UBAP2L: variants seen among roughly 807,000 people sequenced by gnomAD.
UBAP2L encodes the protein ubiquitin-associated protein 2-like.
UBAP2L carries 12 observed loss-of-function variants against 130.6 expected under a neutral mutation model. The observed-to-expected ratio is 0.09, with a 90% CI of 0.06 to 0.15. UBAP2L has a LOEUF of 0.15. Among genes scored for constraint, UBAP2L ranks in the 10% least tolerant of loss-of-function variants. The pLI, the probability that UBAP2L is intolerant of heterozygous loss-of-function variation, is 1.00. For missense variants in UBAP2L, 965 were observed against 1,332.5 expected (o/e 0.72, Z 4.29); for synonymous variants, 503 against 524.7 (o/e 0.96, Z 0.57).
At position 154,259,867 on chromosome 1, in the gene UBAP2L, G is replaced by GT. The variant is rs1571930003; in HGVS notation, c.2497-75dup. On this transcript the variant is annotated intron_variant, in intron 21 of 26. Transcript: ENST00000428931. ...AATTGCACAACTCTCACATTCTTCT[G>GT]TTTTTTCCTCCGTGGAAATAGTACT... is the stretch of plus-strand genomic sequence containing the variant. The GT allele has an allele frequency of 1.5e-5, 22 of 1,441,206 alleles. No homozygotes were observed. The East Asian group carries it at 2.5e-4, about 16-fold the overall frequency. 89.3% of individuals were successfully genotyped at this position (1,441,206 alleles called of 1,614,324 possible).
In UBAP2L at chr1:154,236,626, T is replaced by A; in HGVS notation, c.590+15T>A. 6.2e-7 allele frequency: 1 copy of A among 1,613,840 alleles called. No individual in the cohort carries two copies. Reference sequence around the variant, plus strand: ...CAAGGAATGGGGTAAGTTTCATTGATCTAGTGTCTTAATTTTTTTTCCCTT... The same window carrying A: ...CAAGGAATGGGGTAAGTTTCATTGAACTAGTGTCTTAATTTTTTTTCCCTT... On this transcript the variant is annotated intron_variant, in intron 7 of 26. Transcript: ENST00000428931.
intron 12 of UBAP2L, among the ~76,000 whole-genome samples, chr1:154,249,763 T>A (rs1571839787): frequency 2.0e-5 from 3 of 151,274 alleles, no homozygotes; most frequent in South Asian, 4.2e-4. Flanking sequence ...ATATCAAGAC[T>A]CCATTTCTAA....
At chr1:154,222,852 A>G (rs1666722964) in intron 1 of UBAP2L, among the ~76,000 whole-genome samples, 1 of 152,146 alleles carries the variant, frequency 6.6e-6, no homozygotes, top group Admixed American at 6.5e-5. Flanking sequence ...CTATTTTTTT[A>G]AGTAGCTAGT....
intron 10 of UBAP2L, 148 bp from the exon 11 acceptor site, chr1:154,246,056 C>A (rs2148812310): frequency 1.5e-6 from 1 of 688,052 alleles, no homozygotes; most frequent in East Asian, 2.9e-5. Flanking sequence ...TATTTTGGGA[C>A]ATTTAAGCAT....
chr1:154,270,020 C>T (rs1176620751), intron 26 of UBAP2L, among the ~76,000 whole-genome samples, 180 bp from the exon 27 acceptor site: 1 of 152,066 alleles, frequency 6.6e-6, no homozygotes, highest in Non-Finnish European at 1.5e-5. Flanking sequence ...TCAAAAATGC[C>T]TTCCTGCTTG....
At chr1:154,249,671 T>TA (rs1676826002) in intron 12 of UBAP2L, among the ~76,000 whole-genome samples, 1 of 152,064 alleles carries the variant, frequency 6.6e-6, no homozygotes, top group Non-Finnish European at 1.5e-5. Context: ...CATGGTAGCT[T>TA]ACACCTGTAA....
chr1:154,258,074 T>C (rs940564907), intron 20 of UBAP2L, among the ~76,000 whole-genome samples: 2 of 152,138 alleles, frequency 1.3e-5, no homozygotes, highest in African/African-American at 4.8e-5. Flanking sequence ...GCTCAAGCAA[T>C]CCTCTCACCT....
intron 3 of UBAP2L, among the ~76,000 whole-genome samples, chr1:154,227,634 C>T (rs1378546564): frequency 6.6e-6 from 1 of 151,566 alleles, no homozygotes; most frequent in Non-Finnish European, 1.5e-5. Context: ...GCAGCTTCTG[C>T]CTCCCGAGTT....
chr1:154,245,323 T>A (rs534954008), intron 10 of UBAP2L, among the ~76,000 whole-genome samples: 11 of 152,308 alleles, frequency 7.2e-5, no homozygotes, highest in African/African-American at 2.6e-4. Flanking sequence ...AAGAAGTGTG[T>A]TATGAGTAAC....
Position 154,270,392 on chromosome 1 carries a change from TC to T in UBAP2L, c.*99del, listed in dbSNP as rs1352570056. On this transcript the variant is annotated 3_prime_UTR_variant, in exon 27 of 27. Coordinates refer to ENST00000428931, the MANE Select transcript of UBAP2L (RefSeq NM_014847.4). ...CAAAGAGAAAGGAATGTGGGGGGTT[TC>T]CGCTGCCCCCCACCCCCAGCGGCCC... The T allele has an allele frequency of 6.4e-7, 1 of 1,556,382 alleles. No individual in the cohort carries two copies. Among genetic ancestry groups the T allele is most frequent in the South Asian group, 1.2e-5 (1 of 85,476 alleles).
intron 11 of UBAP2L, among the ~76,000 whole-genome samples, chr1:154,247,690 C>G (rs1482437595): frequency 6.6e-6 from 1 of 152,120 alleles, no homozygotes; most frequent in African/African-American, 2.4e-5. Context: ...GAGCTCACCA[C>G]TGTACTCCAG....
intron 1 of UBAP2L, 33 bp from the exon 2 acceptor site, chr1:154,225,051 A>G: frequency 2.0e-6 from 3 of 1,537,504 alleles, no homozygotes; most frequent in Non-Finnish European, 2.7e-6. Context: ...TTTTGCCCAC[A>G]TTTAATACCT....
At chr1:154,255,653 G>A (rs1359774178) in intron 17 of UBAP2L, 30 bp from the exon 18 acceptor site, 3 of 1,611,824 alleles carry the variant, frequency 1.9e-6, no homozygotes, top group African/African-American at 1.3e-5. Context: ...ATAGCACTAT[G>A]GCTGATGGCA....
At chr1:154,263,527 G>A in intron 24 of UBAP2L, 1 of 1,027,886 alleles carries the variant, frequency 9.7e-7, no homozygotes, top group African/African-American at 1.7e-5. Context: ...TTCCGTGCAT[G>A]TCTTTGTGGA....
chr1:154,226,557 A>T (rs1033964727), intron 2 of UBAP2L, among the ~76,000 whole-genome samples: 5 of 152,218 alleles, frequency 3.3e-5, no homozygotes, highest in Non-Finnish European at 7.3e-5. Context: ...CTAGTATCTG[A>T]ACATACACTG....
intron 21 of UBAP2L, 21 bp from the exon 22 acceptor site, chr1:154,259,927 C>T: frequency 6.2e-7 from 1 of 1,610,112 alleles, no homozygotes. Flanking sequence ...AATCTCTGCT[C>T]TTTTTTCCCC....
chr1:154,237,430 G>A (rs1164438055), intron 8 of UBAP2L, among the ~76,000 whole-genome samples: 2 of 152,160 alleles, frequency 1.3e-5, no homozygotes, highest in Non-Finnish European at 2.9e-5. Context: ...GCTAGTATTT[G>A]AACTCAGCAT....
chr1:154,259,770 AG>A (rs1298793572), intron 21 of UBAP2L, 177 bp from the exon 22 acceptor site: 8 of 772,618 alleles, frequency 1.0e-5, no homozygotes, highest in African/African-American at 1.7e-5. Flanking sequence ...ATGGCCAGGC[AG>A]GGGGGACAGT....
At position 154,270,433 on chromosome 1, in the gene UBAP2L, C is replaced by T. The variant is rs1174846253; in HGVS notation, c.*138C>T. 2 of 1,534,402 alleles carry T rather than the reference C, an allele frequency of 1.3e-6. No individual in the cohort carries two copies. Among genetic ancestry groups the T allele is most frequent in the Non-Finnish European group, 1.7e-6 (2 of 1,145,870 alleles). On this transcript the variant is annotated 3_prime_UTR_variant, in exon 27 of 27. Transcript: ENST00000428931. ...CCCAGCGGCCCACCCCATGCCTCAGCTTCATGTCTGTCCCATTCCTATACC... is the reference window on the plus strand; with the variant it reads ...CCCAGCGGCCCACCCCATGCCTCAGTTTCATGTCTGTCCCATTCCTATACC...
Sources: allele counts gnomAD v4.1 joint callset (sites outside exome capture counted in the v4.1 genomes callset), GRCh38; gene constraint gnomAD v4.1.1; transcripts MANE v1.5; gene names NCBI Gene and HGNC (gene_info 2026-07-23, HGNC 2026-07-21).